Variants in ALK observed in about 807,000 individuals in gnomAD.
The protein encoded by ALK is ALK receptor tyrosine kinase.
Under a neutral mutation model 163.1 loss-of-function variants are expected in ALK, and 74 were observed. The ratio of observed to expected loss-of-function variants is 0.45; its 90% CI spans 0.38 to 0.55. ALK has a LOEUF of 0.55. Ranked by LOEUF, ALK falls within the 20% of genes least tolerant of loss-of-function variation. The probability of loss-of-function intolerance (pLI) is 0.00; values close to 1 mark genes in which losing one functional copy is unlikely to be tolerated. For missense variants in ALK, 2,063 were observed against 2,105.3 expected, an observed-to-expected ratio of 0.98 and a Z score of 0.39; for synonymous variants, 960 against 843.2, an observed-to-expected ratio of 1.14 and a Z score of -2.40.
chr2:29,599,264 T>C (rs1675309950), intron 3 of ALK, among the ~76,000 whole-genome samples: 1 of 151,728 alleles, frequency 6.6e-6, no homozygotes, highest in Admixed American at 6.6e-5. Flanking sequence ...ACCAAGAACA[T>C]CCTTAGTATA....
At chr2:29,315,353 G>T (rs1558666131) in intron 8 of ALK, among the ~76,000 whole-genome samples, 2 of 152,072 alleles carry the variant, frequency 1.3e-5, no homozygotes, top group Admixed American at 6.5e-5. Context: ...CCATCATGGG[G>T]GGCTCCTGAC....
chr2:29,227,025 A>G lies in ALK; in HGVS notation c.2964T>C (p.Ser988=), dbSNP rs2148178595. 2 of 1,614,090 alleles carry G rather than the reference A, an allele frequency of 1.2e-6. No homozygotes were observed. Among genetic ancestry groups the G allele is most frequent in the Non-Finnish European group, 1.7e-6 (2 of 1,180,016 alleles). ...EVNIKHYLNC[S]HCEVDECHMD... ...TGTGACATTCGTCTACCTCACAGTG[A>G]CTGCAGTTTAGATAATGCTTAATAT... is the stretch of plus-strand genomic sequence containing the variant. The change falls in exon 18 of 29, where the codon AGT becomes AGC. Residue 988 remains serine (S), a synonymous_variant. Transcript: ENST00000389048. This position sits in a 1 kb window ranked among gnomAD's most constrained non-coding sequence, Gnocchi z 4.4.
intron 3 of ALK, among the ~76,000 whole-genome samples, chr2:29,573,300 A>C (rs1370919021): frequency 1.3e-5 from 2 of 152,204 alleles, no homozygotes; most frequent in Non-Finnish European, 2.9e-5. Flanking sequence ...CTCCTTCAAC[A>C]ATTATTTACT....
intron 4 of ALK, among the ~76,000 whole-genome samples, chr2:29,492,486 C>T (rs1342977394): frequency 6.6e-6 from 1 of 152,034 alleles, no homozygotes; most frequent in Non-Finnish European, 1.5e-5. Context: ...GGAATCAGGG[C>T]CTAAAGGGTA....
intron 1 of ALK, among the ~76,000 whole-genome samples, chr2:29,861,090 C>T (rs1666280113): frequency 6.6e-6 from 1 of 151,982 alleles, no homozygotes; most frequent in Admixed American, 6.6e-5. Context: ...GATGATCACT[C>T]GAGCCCACGA....
intron 1 of ALK, among the ~76,000 whole-genome samples, chr2:29,804,735 T>C (rs1558495974): frequency 6.6e-6 from 1 of 152,174 alleles, no homozygotes; most frequent in Non-Finnish European, 1.5e-5. Flanking sequence ...CTTAGACCCA[T>C]GTTGGGGGCT....
chr2:29,739,912 C>A (rs1680006304), intron 1 of ALK, among the ~76,000 whole-genome samples: 2 of 152,076 alleles, frequency 1.3e-5, no homozygotes, highest in South Asian at 4.1e-4. Flanking sequence ...TCATGTGTGC[C>A]AGGCACTAAG....
chr2:29,893,933 T>C (rs746788103), intron 1 of ALK, among the ~76,000 whole-genome samples: 1 of 152,144 alleles, frequency 6.6e-6, no homozygotes, highest in Non-Finnish European at 1.5e-5. Context: ...TATGGACTGA[T>C]ATGAGGACAA....
At chr2:29,483,630 A>T (rs955587625) in intron 4 of ALK, among the ~76,000 whole-genome samples, 1 of 152,344 alleles carries the variant, frequency 6.6e-6, no homozygotes, top group Non-Finnish European at 1.5e-5. Context: ...ATAGAGAATA[A>T]TTTAATTAGT....
chr2:29,553,854 T>C (rs1046149764), intron 3 of ALK, among the ~76,000 whole-genome samples: 12 of 152,236 alleles, frequency 7.9e-5, no homozygotes, highest in African/African-American at 2.7e-4. Flanking sequence ...GCTTCTCATC[T>C]TTTGTGAATT....
intron 3 of ALK, among the ~76,000 whole-genome samples, chr2:29,595,760 T>G (rs1675196260): frequency 6.6e-6 from 1 of 152,186 alleles, no homozygotes; most frequent in Non-Finnish European, 1.5e-5. Flanking sequence ...GGAAGAATTT[T>G]ACAAATTTTA....
At chr2:29,428,371 G>A (rs1411711111) in intron 4 of ALK, among the ~76,000 whole-genome samples, 1 of 151,592 alleles carries the variant, frequency 6.6e-6, no homozygotes, top group Non-Finnish European at 1.5e-5. Flanking sequence ...CTTCACCTAG[G>A]GTGACCAAGA....
chr2:29,204,429 T>C (rs995580849), intron 26 of ALK, among the ~76,000 whole-genome samples: 5 of 152,228 alleles, frequency 3.3e-5, no homozygotes, highest in Non-Finnish European at 5.9e-5. Context: ...TTTGAGAATC[T>C]GGTCAGGGAT....
At chr2:29,537,423 C>T (rs1329941794) in intron 3 of ALK, among the ~76,000 whole-genome samples, 1 of 152,232 alleles carries the variant, frequency 6.6e-6, no homozygotes, top group African/African-American at 2.4e-5. Flanking sequence ...CCAGACACCA[C>T]TTTGGATAAC....
At chr2:29,331,022 A>G (rs1170789450) in intron 5 of ALK, among the ~76,000 whole-genome samples, 1 of 152,190 alleles carries the variant, frequency 6.6e-6, no homozygotes, top group African/African-American at 2.4e-5. Flanking sequence ...TGAACACTCC[A>G]TCGAAACCTG....
At chr2:29,789,545 G>A (rs780264185) in intron 1 of ALK, among the ~76,000 whole-genome samples, 3 of 152,242 alleles carry the variant, frequency 2.0e-5, no homozygotes, top group Non-Finnish European at 2.9e-5. Flanking sequence ...GAATTACCCC[G>A]ATTATTTCCT....
chr2:29,231,402 A>G (rs577147883), intron 15 of ALK, among the ~76,000 whole-genome samples: 5 of 152,342 alleles, frequency 3.3e-5, no homozygotes, highest in African/African-American at 1.2e-4. Flanking sequence ...TGAGAAAAAA[A>G]AAGTCATCAT....
At chr2:29,197,755 A>T (rs986821993) in intron 26 of ALK, 79 bp from the exon 27 acceptor site, 6 of 1,237,438 alleles carry the variant, frequency 4.8e-6, no homozygotes, top group Non-Finnish European at 7.1e-6. Flanking sequence ...GCACACAGAC[A>T]TACAATTTCA....
At chr2:29,642,238 A>C (rs937010628) in intron 3 of ALK, among the ~76,000 whole-genome samples, 1 of 152,180 alleles carries the variant, frequency 6.6e-6, no homozygotes, top group Non-Finnish European at 1.5e-5. Flanking sequence ...CTAGGACTCT[A>C]CCTTTCAAAT....
Sources: gnomAD v4.1 joint callset for allele counts (sites outside exome capture counted in the v4.1 genomes callset) on GRCh38, gnomAD v4.1.1 for gene constraint, Gnocchi (gnomAD v3.1) non-coding constraint, MANE v1.5 for transcripts, NCBI Gene and HGNC (gene_info 2026-07-23, HGNC 2026-07-21) for gene names.